FBXW8: variants seen among roughly 807,000 people sequenced by gnomAD.
FBXW8 encodes the protein F-box and WD repeat domain containing 8, also known as F-box/WD repeat-containing protein 8.
A neutral mutation model predicts 65.3 loss-of-function variants in FBXW8; 57 were observed. The observed-to-expected ratio is 0.87, with a 90% confidence interval of 0.71 to 1.09. FBXW8 has a LOEUF of 1.09. Among genes scored for constraint, FBXW8 ranks in the 50% least tolerant of loss-of-function variants. FBXW8 has a pLI of 0.00. For synonymous variants in FBXW8, 308 were observed against 330.2 expected (o/e 0.93, Z 0.73); for missense variants, 777 against 814.8 (o/e 0.95, Z 0.57).
chr12:117,007,226 G>T lies in FBXW8; in HGVS notation c.1240-3097G>T, dbSNP rs1043898136. On this transcript the variant is annotated intron_variant, in intron 7 of 10. Coordinates refer to ENST00000652555, the MANE Select transcript of FBXW8 (RefSeq NM_153348.3). Reference sequence around the variant, plus strand: ...ACAAAATTGCAAGTTAAGATTCTAAGACCAGGATTTATGGAAATACTTTAA... The same window carrying T: ...ACAAAATTGCAAGTTAAGATTCTAATACCAGGATTTATGGAAATACTTTAA... Among the ~76,000 whole-genome samples, 3 of 151,646 alleles carry T rather than the reference G, an allele frequency of 2.0e-5. No individual in the cohort carries two copies. The South Asian group carries it at 6.3e-4, about 32-fold the overall frequency.
intron 3 of FBXW8, among the ~76,000 whole-genome samples, chr12:116,947,971 C>T (rs1015907572): frequency 6.6e-6 from 1 of 152,146 alleles, no homozygotes; most frequent in African/African-American, 2.4e-5. Flanking sequence ...CCTCTGCACA[C>T]AGATGCAGGG....
At chr12:117,001,782 T>G (rs1220532244) in intron 7 of FBXW8, among the ~76,000 whole-genome samples, 1 of 152,216 alleles carries the variant, frequency 6.6e-6, no homozygotes, top group Non-Finnish European at 1.5e-5. Flanking sequence ...TTATCATCTC[T>G]TCGCTGGACT....
intron 1 of FBXW8, among the ~76,000 whole-genome samples, chr12:116,919,899 A>G (rs1835625615): frequency 6.6e-6 from 1 of 152,256 alleles, no homozygotes; most frequent in Admixed American, 6.5e-5. Context: ...TGTGTTGCCA[A>G]CAAGATAGAT....
intron 4 of FBXW8, among the ~76,000 whole-genome samples, chr12:116,954,126 A>AG (rs1436971420): frequency 3.3e-5 from 5 of 151,840 alleles, no homozygotes; most frequent in Admixed American, 3.3e-4. Context: ...AAAAAAAAAA[A>AG]AAAAAAAAGA....
intron 7 of FBXW8, among the ~76,000 whole-genome samples, chr12:116,989,339 T>G (rs1340357795): frequency 6.6e-6 from 1 of 152,232 alleles, no homozygotes; most frequent in Non-Finnish European, 1.5e-5. Flanking sequence ...GGTGTTTAGC[T>G]TGCTTTCACT....
intron 7 of FBXW8, among the ~76,000 whole-genome samples, chr12:116,999,981 ATT>A (rs71099027): frequency 3.1e-5 from 4 of 128,778 alleles, no homozygotes; most frequent in African/African-American, 8.7e-5. Context: ...TCTGCATCTC[ATT>A]TTTTTTTTTT....
chr12:116,936,919 C>A lies in FBXW8; in HGVS notation c.424-8445C>A, dbSNP rs866637791. On this transcript the variant is annotated intron_variant, in intron 2 of 10. Transcript: ENST00000652555. This position sits in a 1 kb window ranked among gnomAD's most constrained non-coding sequence, Gnocchi z 4.6. Reference sequence around the variant, plus strand: ...CAGAGGGGTGACAAGGGCTGCCCTACGTTTAAAAAGGGACCATTTGGGCTG... The same window carrying A: ...CAGAGGGGTGACAAGGGCTGCCCTAAGTTTAAAAAGGGACCATTTGGGCTG... Among the ~76,000 whole-genome samples, 1 of 152,044 alleles carries A rather than the reference C, an allele frequency of 6.6e-6. No individual in the cohort carries two copies. The highest frequency in any genetic ancestry group is 6.6e-5 in the Admixed American group (1 of 15,260).
intron 4 of FBXW8, chr12:116,950,955 G>A (rs1474679238): frequency 6.6e-6 from 1 of 152,198 alleles, no homozygotes; most frequent in African/African-American, 2.4e-5. Context: ...CTTGAGGACA[G>A]AAGGCTGAGA....
At chr12:116,965,771 A>G (rs1884281951) in intron 5 of FBXW8, among the ~76,000 whole-genome samples, 1 of 152,072 alleles carries the variant, frequency 6.6e-6, no homozygotes, top group South Asian at 2.1e-4. Flanking sequence ...ATACCTATAT[A>G]TATTTGAGAC....
intron 5 of FBXW8, among the ~76,000 whole-genome samples, chr12:116,981,098 T>A (rs1885275475): frequency 6.6e-6 from 1 of 152,220 alleles, no homozygotes; most frequent in East Asian, 1.9e-4. Context: ...TAAATGTAGC[T>A]GATGATAATC....
Position 116,960,245 on chromosome 12 carries a change from A to C in FBXW8, c.678-4452A>C, listed in dbSNP as rs151093850. Among the ~76,000 whole-genome samples the C allele has an allele frequency of 5.5e-3, 837 of 152,260 alleles. 2 individuals are homozygous for C. The highest frequency in any genetic ancestry group is 8.9e-3 in the Non-Finnish European group (604 of 68,018). On this transcript the variant is annotated intron_variant, in intron 4 of 10. Transcript: ENST00000652555. The stretch of plus-strand genomic sequence containing the variant: ...CCCCAACCTGTGTTTTACCCTACCA[A>C]AGATGTCTGTTTCCTTAGCACAAGT...
intron 7 of FBXW8, among the ~76,000 whole-genome samples, chr12:117,006,754 C>T (rs574704201): frequency 1.3e-5 from 2 of 152,358 alleles, no homozygotes; most frequent in South Asian, 4.1e-4. Context: ...TTCTGCATGT[C>T]ACCCAGCGTC....
At chr12:116,982,968 T>G (rs1885422276) in intron 5 of FBXW8, among the ~76,000 whole-genome samples, 1 of 152,128 alleles carries the variant, frequency 6.6e-6, no homozygotes, top group African/African-American at 2.4e-5. Context: ...TACCAAGTCA[T>G]GACATAACAA....
chr12:116,998,460 A>G (rs1953434402), intron 7 of FBXW8, among the ~76,000 whole-genome samples: 1 of 152,152 alleles, frequency 6.6e-6, no homozygotes, highest in Admixed American at 6.5e-5. Context: ...TTAAGCTTAG[A>G]ATGTTATTTA....
In FBXW8 at chr12:116,911,372, T is replaced by TGCCCCCCCCCCCAGCC; in HGVS notation, c.318+17_318+18insGCCCCCCCCCCCAGCC. ...CGCGACCTGGTGAGTGGCCGTCGCC[T>TGCCCCCCCCCCCAGCC]CCCCCCCGCCCATGCCTGCGCCGGC... is the stretch of plus-strand genomic sequence containing the variant. On this transcript the variant is annotated intron_variant, in intron 1 of 10. Transcript: ENST00000652555. The TGCCCCCCCCCCCAGCC allele has an allele frequency of 8.1e-7, 1 of 1,237,222 alleles. No homozygotes were observed. Among genetic ancestry groups the TGCCCCCCCCCCCAGCC allele is most frequent in the East Asian group, 3.3e-5 (1 of 30,340 alleles). 76.6% of individuals were successfully genotyped at this position (1,237,222 alleles called of 1,614,324 possible).
chr12:116,912,393 T>C (rs954211605), intron 1 of FBXW8, among the ~76,000 whole-genome samples: 2 of 151,792 alleles, frequency 1.3e-5, no homozygotes, highest in East Asian at 3.9e-4. Context: ...TCTCCCTGTA[T>C]TGCCCAGTCT....
At chr12:116,992,489 G>A (rs1276166324) in intron 7 of FBXW8, among the ~76,000 whole-genome samples, 1 of 150,724 alleles carries the variant, frequency 6.6e-6, no homozygotes, top group African/African-American at 2.5e-5. Flanking sequence ...TTGGTTACAT[G>A]GATGAACTGT....
chr12:116,996,168 T>C (rs761351196), intron 7 of FBXW8, among the ~76,000 whole-genome samples: 23 of 152,204 alleles, frequency 1.5e-4, no homozygotes, highest in African/African-American at 2.2e-4. Context: ...TGATGGCAGA[T>C]TGTATTAAGC....
chr12:117,008,809 C>T (rs1953737420), intron 7 of FBXW8, among the ~76,000 whole-genome samples: 1 of 152,204 alleles, frequency 6.6e-6, no homozygotes, highest in South Asian at 2.1e-4. Flanking sequence ...CTATTAAAAC[C>T]TTTGGCTGAG....
Sources: allele counts gnomAD v4.1 joint callset (sites outside exome capture counted in the v4.1 genomes callset), GRCh38; gene constraint gnomAD v4.1.1; non-coding constraint Gnocchi (gnomAD v3.1); transcripts MANE v1.5; gene names NCBI Gene and HGNC (gene_info 2026-07-23, HGNC 2026-07-21).